IQCM: variants seen among roughly 807,000 people sequenced by gnomAD.
IQCM encodes IQ domain-containing protein M.
In IQCM, 45 loss-of-function variants were observed where a neutral mutation model predicts 57.6. The observed-to-expected ratio is 0.78, with a 90% CI of 0.62 to 1.00. IQCM has a LOEUF of 1.00. Among genes scored for constraint, IQCM ranks in the 50% least tolerant of loss-of-function variants. The pLI is 0.00. For synonymous variants in IQCM, 148 were observed against 158.9 expected, an observed-to-expected ratio of 0.93 and a Z score of 0.51; for missense variants, 468 against 511.6, an observed-to-expected ratio of 0.91 and a Z score of 0.82.
chr4:149,366,630 G>A (rs1014989535), intron 13 of IQCM, among the ~76,000 whole-genome samples: 1 of 151,824 alleles, frequency 6.6e-6, no homozygotes, highest in African/African-American at 2.4e-5. Context: ...CAAAAAGAGA[G>A]TGGAAAGTCG....
At chr4:149,691,215 G>A (rs529829815) in intron 5 of IQCM, among the ~76,000 whole-genome samples, 43 of 152,244 alleles carry the variant, frequency 2.8e-4, no homozygotes, top group Non-Finnish European at 5.3e-4. Flanking sequence ...TTTTACAGAT[G>A]AGGAAATGAA....
intron 13 of IQCM, among the ~76,000 whole-genome samples, chr4:149,369,900 A>C (rs1730243307): frequency 6.6e-6 from 1 of 152,090 alleles, no homozygotes; most frequent in Non-Finnish European, 1.5e-5. Context: ...TTCTTATTTA[A>C]TTTATTAATT....
chr4:149,552,323 T>C (rs748371258), intron 11 of IQCM, among the ~76,000 whole-genome samples: 1 of 152,200 alleles, frequency 6.6e-6, no homozygotes, highest in Non-Finnish European at 1.5e-5. Context: ...ACTGTATGAC[T>C]AGCTGAGACT....
intron 12 of IQCM, among the ~76,000 whole-genome samples, chr4:149,488,805 G>A (rs541000664): frequency 2.6e-5 from 4 of 152,116 alleles, no homozygotes; most frequent in Admixed American, 1.3e-4. Context: ...TTCCCAAGAA[G>A]AGAAAAGGTA....
rs370591152 is a variant in IQCM, at chr4:149,417,820, CT to C, written c.1390+15575del. 9.5e-3 allele frequency among the ~76,000 whole-genome samples: 1,279 copies of C among 134,526 alleles called. 4 individuals are homozygous for C. Among genetic ancestry groups the C allele is most frequent in the South Asian group, 0.024 (99 of 4,198 alleles). The allele number at this position is 134,526 out of a possible 152,430, so 88.3% of individuals were successfully genotyped here. On this transcript the variant is annotated intron_variant, in intron 13 of 13. Transcript: ENST00000636793. ...AAAGCATTCTCTATTTCCCTTTTTC[CT>C]TTTTTTTTTTTTTTGGAAGGCACTT...
intron 13 of IQCM, among the ~76,000 whole-genome samples, chr4:149,430,533 G>A (rs573864896): frequency 2.8e-4 from 42 of 151,766 alleles, no homozygotes; most frequent in Non-Finnish European, 4.1e-4. Context: ...AGGTAGCCAC[G>A]GATTTGTTTC....
At chr4:149,770,836 G>GT (rs1308056074) in intron 2 of IQCM, among the ~76,000 whole-genome samples, 1 of 151,974 alleles carries the variant, frequency 6.6e-6, no homozygotes, top group Non-Finnish European at 1.5e-5. Flanking sequence ...AATTAACAGT[G>GT]TAAGACTGAA....
At chr4:149,578,841 A>C (rs573885852) in intron 9 of IQCM, among the ~76,000 whole-genome samples, 1 of 152,010 alleles carries the variant, frequency 6.6e-6, no homozygotes, top group South Asian at 2.1e-4. Context: ...AATGATGGTC[A>C]GGCAATCATA....
chr4:149,698,035 G>C (rs17625297), intron 5 of IQCM, among the ~76,000 whole-genome samples: 4,092 of 152,050 alleles, frequency 0.027, 129 homozygotes, highest in South Asian at 0.14. Context: ...ATGAATTTCA[G>C]ATTTGATGTA....
chr4:149,387,603 T>C (rs567370675), intron 13 of IQCM, among the ~76,000 whole-genome samples: 1 of 152,174 alleles, frequency 6.6e-6, no homozygotes, highest in South Asian at 2.1e-4. Flanking sequence ...TAAAATATAG[T>C]TCATATAGAA....
In IQCM at chr4:149,677,848, A is replaced by T. The variant is rs574103218; in HGVS notation, c.565+4270T>A. ...ACAAAGAGATTGAAATAATTTTTTT[A>T]AATTAAACAGAAATCTAGAAACTGA... On this transcript the variant is annotated intron_variant, in intron 7 of 13. Coordinates refer to ENST00000636793, the MANE Select transcript of IQCM (RefSeq NM_001363507.2). 3.7e-4 allele frequency among the ~76,000 whole-genome samples: 57 copies of T among 152,066 alleles called. 1 individual carries two copies. The South Asian group carries it at 9.7e-3, about 26-fold the overall frequency.
chr4:149,637,989 C>G (rs1034146649), intron 7 of IQCM, among the ~76,000 whole-genome samples: 6 of 151,896 alleles, frequency 4.0e-5, no homozygotes, highest in African/African-American at 1.2e-4. Context: ...TAAGAAAAGG[C>G]AAGAAAAAAG....
At chr4:149,428,247 T>G (rs1427010046) in intron 13 of IQCM, among the ~76,000 whole-genome samples, 1 of 151,634 alleles carries the variant, frequency 6.6e-6, no homozygotes, top group African/African-American at 2.4e-5. Context: ...GATTAAAAAA[T>G]ATGGGTAGAA....
At chr4:149,801,256 G>GA (rs894893990) in intron 2 of IQCM, among the ~76,000 whole-genome samples, 3 of 151,298 alleles carry the variant, frequency 2.0e-5, no homozygotes, top group African/African-American at 4.9e-5. Context: ...TGAGGTTGTG[G>GA]AAAAAAAACA....
chr4:149,659,518 G>T (rs573921047), intron 7 of IQCM, among the ~76,000 whole-genome samples: 1 of 152,178 alleles, frequency 6.6e-6, no homozygotes, highest in Non-Finnish European at 1.5e-5. Flanking sequence ...AGCCCGCATC[G>T]CCAAGTCAAT....
At chr4:149,691,530 G>A (rs1272710429) in intron 5 of IQCM, among the ~76,000 whole-genome samples, 3 of 152,154 alleles carry the variant, frequency 2.0e-5, no homozygotes, top group Admixed American at 6.5e-5. Context: ...CAAAGGTGAT[G>A]GGAGGGGCAA....
intron 2 of IQCM, among the ~76,000 whole-genome samples, chr4:149,773,361 AAAAG>A (rs1403624130): frequency 2.2e-4 from 34 of 152,046 alleles, no homozygotes. Flanking sequence ...CAAAAAAAAA[AAAAG>A]AAAGAATTAA....
chr4:149,539,746 T>A (rs2149873987), intron 12 of IQCM, among the ~76,000 whole-genome samples: 1 of 152,138 alleles, frequency 6.6e-6, no homozygotes, highest in Middle Eastern at 3.4e-3. Flanking sequence ...GCACCTGTAA[T>A]CCTAGCTATT....
chr4:149,723,525 T>A (rs989467559), intron 5 of IQCM, among the ~76,000 whole-genome samples: 8 of 152,122 alleles, frequency 5.3e-5, no homozygotes, highest in African/African-American at 1.9e-4. Context: ...AAATGCTTTT[T>A]CAGCATCTAT....
Sources: allele counts gnomAD v4.1 joint callset (sites outside exome capture counted in the v4.1 genomes callset), GRCh38; gene constraint gnomAD v4.1.1; transcripts MANE v1.5; gene names NCBI Gene and HGNC (gene_info 2026-07-23, HGNC 2026-07-21).